ZFYVE28: variants seen among roughly 807,000 people sequenced by gnomAD.
The protein encoded by ZFYVE28 is zinc finger FYVE-type containing 28, also known as lateral signaling target protein 2 homolog.
ZFYVE28 carries 40 observed loss-of-function variants against 82.1 expected under a neutral mutation model. The ratio of observed to expected loss-of-function variants is 0.49; its 90% CI spans 0.38 to 0.63. The LOEUF is 0.63. ZFYVE28 is among the 30% of genes least tolerant of loss of function. ZFYVE28 has a pLI of 0.00. For missense variants in ZFYVE28, 1,321 were observed against 1,242.1 expected (o/e 1.06, Z -0.96); for synonymous variants, 612 against 546.1 (o/e 1.12, Z -1.68).
At chr4:2,330,824 C>T in intron 6 of ZFYVE28, 2 of 1,532,876 alleles carry the variant, frequency 1.3e-6, no homozygotes, top group Non-Finnish European at 1.7e-6. Flanking sequence ...TGGTGGAGAC[C>T]CAGGGCAGCG....
rs548270670 is a variant in ZFYVE28 at position 2,330,945 on chromosome 4, C to T, written c.701+4760G>A. 39 of 1,534,864 alleles carry T rather than the reference C, an allele frequency of 2.5e-5. No homozygotes were observed. In the African/African-American group the frequency reaches 4.3e-4, roughly 17 times the overall value. ...GCAGAGATGACACCTTGTTTTGACA[C>T]AGGTGGATGGGTGAGGGCCCCTGAA... On this transcript the variant is annotated intron_variant, in intron 6 of 12. Transcript: ENST00000290974.
At chr4:2,381,608 T>A (rs1401716635) in intron 1 of ZFYVE28, among the ~76,000 whole-genome samples, 1 of 152,166 alleles carries the variant, frequency 6.6e-6, no homozygotes, top group African/African-American at 2.4e-5. Context: ...GGTTCCACCG[T>A]ATTGGCCAGG....
chr4:2,309,720 G>A (rs1717209349), intron 7 of ZFYVE28, among the ~76,000 whole-genome samples: 1 of 152,102 alleles, frequency 6.6e-6, no homozygotes, highest in Non-Finnish European at 1.5e-5. Context: ...CCAATCTCAG[G>A]GAAGTGTGCT....
intron 1 of ZFYVE28, among the ~76,000 whole-genome samples, chr4:2,354,545 G>A (rs1476726799): frequency 7.0e-6 from 1 of 141,878 alleles, no homozygotes; most frequent in Admixed American, 7.7e-5. Flanking sequence ...TGCAACCTCC[G>A]CCTCCTGGGT....
rs1721603316 is a variant in ZFYVE28 at position 2,335,851 on chromosome 4, T to C, written c.612-57A>G. 1 of 1,464,414 alleles carries C rather than the reference T, an allele frequency of 6.8e-7. No individual in the cohort carries two copies. Among genetic ancestry groups the C allele is most frequent in the South Asian group, 1.2e-5 (1 of 82,294 alleles). The allele number at this position is 1,464,414 out of a possible 1,614,324, so 90.7% of individuals were successfully genotyped here. A position where few individuals can be genotyped will look rare whatever the true frequency, so the allele number is the denominator to read the frequency against. ...AGGGCTGGCCCACCACAGCCACAGG[T>C]TGGACCCCAGCAGGGACAGGCAGTG... On this transcript the variant is annotated intron_variant, in intron 5 of 12. Coordinates refer to ENST00000290974, the MANE Select transcript of ZFYVE28 (RefSeq NM_020972.3). The surrounding 1 kb of genome is among the most constrained non-coding windows in gnomAD (Gnocchi z 5.8).
chr4:2,321,222 A>G (rs1000671666), intron 6 of ZFYVE28, among the ~76,000 whole-genome samples: 3 of 151,890 alleles, frequency 2.0e-5, no homozygotes, highest in Non-Finnish European at 2.9e-5. Context: ...GTGTAAATGG[A>G]GCACCACCGG....
intron 1 of ZFYVE28, among the ~76,000 whole-genome samples, chr4:2,380,947 G>A (rs2108914169): frequency 6.6e-6 from 1 of 152,294 alleles, no homozygotes; most frequent in South Asian, 2.1e-4. Context: ...CCAGTACAGT[G>A]GGGTATTGCT....
At chr4:2,297,822 T>C (rs1344789371) in intron 8 of ZFYVE28, among the ~76,000 whole-genome samples, 3 of 143,154 alleles carry the variant, frequency 2.1e-5, no homozygotes, top group Non-Finnish European at 3.0e-5. Flanking sequence ...GTGGTGACAG[T>C]GGGGTGACAC....
rs1431406211 is a variant in ZFYVE28 at position 2,310,375 on chromosome 4, T to C, written c.804-4839A>G. On this transcript the variant is annotated intron_variant, in intron 7 of 12. Transcript: ENST00000290974. ...GGTCATGATATATCTTATTTATATA[T>C]GGTTGATTTTCATTTGTCTGTATCT... Among the ~76,000 whole-genome samples the C allele has an allele frequency of 4.6e-5, 7 of 152,326 alleles. No individual in the cohort carries two copies. In the South Asian group the frequency reaches 1.2e-3, roughly 27 times the overall value.
intron 2 of ZFYVE28, among the ~76,000 whole-genome samples, chr4:2,342,071 C>T (rs894927791): frequency 3.9e-5 from 6 of 152,206 alleles, no homozygotes; most frequent in Admixed American, 6.5e-5. Flanking sequence ...GCAAAGCCCT[C>T]GTCTTCCCTG....
At chr4:2,361,843 C>T (rs1726207783) in intron 1 of ZFYVE28, among the ~76,000 whole-genome samples, 1 of 152,170 alleles carries the variant, frequency 6.6e-6, no homozygotes, top group Non-Finnish European at 1.5e-5. Context: ...AAAGAGACAC[C>T]TTGTCACTCC....
chr4:2,353,881 C>G, intron 2 of ZFYVE28, 52 bp downstream of exon 2: 3 of 1,405,686 alleles, frequency 2.1e-6, no homozygotes, highest in Non-Finnish European at 2.8e-6. Flanking sequence ...GGACAGGCCA[C>G]TCTGTCCAAT....
Position 2,335,154 on chromosome 4 carries a change from G to A in ZFYVE28, c.701+551C>T, listed in dbSNP as rs544269765. Among the ~76,000 whole-genome samples the A allele has an allele frequency of 4.0e-5, 6 of 151,738 alleles. No homozygotes were observed. The highest frequency in any genetic ancestry group is 6.6e-5 in the Admixed American group (1 of 15,264). On this transcript the variant is annotated intron_variant, in intron 6 of 12. Coordinates refer to ENST00000290974, the MANE Select transcript of ZFYVE28 (RefSeq NM_020972.3). This position sits in a 1 kb window ranked among gnomAD's most constrained non-coding sequence, Gnocchi z 5.8. ...CCTTGAGTTCCCTGCTCTCCCAGAC[G>A]GCCCCGCTGGCAGGAAAGGTTCCAC...
At chr4:2,288,570 G>A (rs748141360) in intron 8 of ZFYVE28, among the ~76,000 whole-genome samples, 2 of 152,246 alleles carry the variant, frequency 1.3e-5, no homozygotes, top group African/African-American at 2.4e-5. Flanking sequence ...TCTCCAAGCT[G>A]GGTTGGTGAG....
chr4:2,401,841 C>T (rs73791719), intron 1 of ZFYVE28, among the ~76,000 whole-genome samples: 3,867 of 152,238 alleles, frequency 0.025, 179 homozygotes, highest in African/African-American at 0.089. Flanking sequence ...GCGGGGGTCC[C>T]GGCCCAAGAC....
At chr4:2,275,041 T>A (rs1341743784) in intron 8 of ZFYVE28, among the ~76,000 whole-genome samples, 1 of 150,336 alleles carries the variant, frequency 6.7e-6, no homozygotes, top group Non-Finnish European at 1.5e-5. Flanking sequence ...TACACTTCCC[T>A]GCCTGGAGTC....
At chr4:2,356,744 G>A (rs1253886898) in intron 1 of ZFYVE28, among the ~76,000 whole-genome samples, 1 of 152,236 alleles carries the variant, frequency 6.6e-6, no homozygotes, top group Admixed American at 6.5e-5. Flanking sequence ...AGGAGGGGAG[G>A]CGGGGAAAGT....
intron 1 of ZFYVE28, among the ~76,000 whole-genome samples, chr4:2,375,832 A>T (rs890749712): frequency 3.9e-5 from 6 of 152,120 alleles, no homozygotes; most frequent in African/African-American, 1.4e-4. Flanking sequence ...AAGATCTCAT[A>T]GTTTTCATAT....
At chr4:2,398,304 C>T (rs3128788) in intron 1 of ZFYVE28, among the ~76,000 whole-genome samples, 128,924 of 152,064 alleles carry the variant, frequency 0.85, 54,818 homozygotes, top group Admixed American at 0.9. Flanking sequence ...GGGGAGCGAC[C>T]AGAACACAAA....
Sources: gnomAD v4.1 joint callset for allele counts (sites outside exome capture counted in the v4.1 genomes callset) on GRCh38, gnomAD v4.1.1 for gene constraint, Gnocchi (gnomAD v3.1) non-coding constraint, MANE v1.5 for transcripts, NCBI Gene and HGNC (gene_info 2026-07-23, HGNC 2026-07-21) for gene names.